The following FAM110B variants were observed in gnomAD, a reference collection of about 807,000 sequenced individuals.
FAM110B encodes family with sequence similarity 110 member B.
Under a neutral mutation model 20.4 loss-of-function variants are expected in FAM110B, and 6 were observed. That is an observed-to-expected ratio of 0.29 (90% CI 0.16 to 0.58). FAM110B has a LOEUF of 0.58. Ranked by LOEUF, FAM110B falls within the 20% of genes least tolerant of loss-of-function variation. The pLI, the probability that FAM110B is intolerant of heterozygous loss-of-function variation, is 0.90. For synonymous variants in FAM110B, 226 were observed against 214.1 expected, an observed-to-expected ratio of 1.06 and a Z score of -0.49; for missense variants, 434 against 498.2, an observed-to-expected ratio of 0.87 and a Z score of 1.23.
chr8:58,012,490 T>G (rs1804558237), intron 1 of FAM110B, among the ~76,000 whole-genome samples: 1 of 152,090 alleles, frequency 6.6e-6, no homozygotes, highest in Non-Finnish European at 1.5e-5. Flanking sequence ...AAAAAATATT[T>G]GTGTACTTTT....
intron 2 of FAM110B, among the ~76,000 whole-genome samples, chr8:58,056,027 GT>G (rs1216284085): frequency 9.9e-5 from 15 of 152,164 alleles, no homozygotes; most frequent in Admixed American, 9.8e-4. Flanking sequence ...ACTATTGCCT[GT>G]GTGCCAAATC....
At chr8:58,018,187 G>C (rs1804676652) in intron 1 of FAM110B, among the ~76,000 whole-genome samples, 1 of 152,074 alleles carries the variant, frequency 6.6e-6, no homozygotes, top group Non-Finnish European at 1.5e-5. Flanking sequence ...TGAGTGCAGA[G>C]TGCTAAAAAT....
At chr8:58,006,651 GGAGTGCAGTGGCACGA>G (rs1804409604) in intron 1 of FAM110B, among the ~76,000 whole-genome samples, 2 of 150,430 alleles carry the variant, frequency 1.3e-5, no homozygotes, top group Non-Finnish European at 3.0e-5. Context: ...CACCCAGGCT[GGAGTGCAGTGGCACGA>G]TCTCGGCTCA....
intron 1 of FAM110B, among the ~76,000 whole-genome samples, chr8:58,027,698 G>T (rs1391850679): frequency 6.6e-6 from 1 of 152,128 alleles, no homozygotes; most frequent in Non-Finnish European, 1.5e-5. Context: ...GATCATACGT[G>T]TAGTCTTTTG....
chr8:58,101,545 C>T lies in FAM110B; in HGVS notation c.-325+25922C>T, dbSNP rs555182900. Among the ~76,000 whole-genome samples the T allele has an allele frequency of 2.9e-3, 436 of 152,106 alleles. 4 individuals carry two copies. Among genetic ancestry groups the T allele is most frequent in the African/African-American group, 9.7e-3 (404 of 41,494 alleles). On this transcript the variant is annotated intron_variant, in intron 3 of 3. Coordinates refer to ENST00000519262, the MANE Select transcript of FAM110B (RefSeq NM_001377989.1). ...CATCAAATAGTAATTCCATTTTAACCCAAAAATAGCTTTTTGTTTTCTTTC... is the reference window on the plus strand; with the variant it reads ...CATCAAATAGTAATTCCATTTTAACTCAAAAATAGCTTTTTGTTTTCTTTC...
chr8:58,142,070 C>A (rs1228377098), intron 3 of FAM110B, among the ~76,000 whole-genome samples: 1 of 152,220 alleles, frequency 6.6e-6, no homozygotes, highest in African/African-American at 2.4e-5. Flanking sequence ...CTGTGAGGAG[C>A]TGGCAGATGG....
intron 3 of FAM110B, among the ~76,000 whole-genome samples, chr8:58,125,901 C>T (rs143855123): frequency 3.5e-5 from 5 of 142,922 alleles, no homozygotes; most frequent in East Asian, 2.0e-4. Flanking sequence ...ATGTGTCACC[C>T]GGTACCCTCC....
At chr8:58,039,489 A>AT (rs1386397285) in intron 2 of FAM110B, among the ~76,000 whole-genome samples, 1 of 152,216 alleles carries the variant, frequency 6.6e-6, no homozygotes, top group East Asian at 1.9e-4. Context: ...AGTCTTATAC[A>AT]TGTGAGATCC....
At chr8:58,106,528 A>G (rs1806923007) in intron 3 of FAM110B, among the ~76,000 whole-genome samples, 1 of 152,208 alleles carries the variant, frequency 6.6e-6, no homozygotes, top group Non-Finnish European at 1.5e-5. Flanking sequence ...GGATGTTGAC[A>G]CTGCTCGTGA....
chr8:58,136,547 G>T (rs1032987478), intron 3 of FAM110B, among the ~76,000 whole-genome samples: 2 of 152,116 alleles, frequency 1.3e-5, no homozygotes, highest in Non-Finnish European at 2.9e-5. Context: ...AATTCTAGTG[G>T]CCCTGCTTTT....
intron 1 of FAM110B, among the ~76,000 whole-genome samples, chr8:58,008,513 G>A (rs1429816912): frequency 6.6e-6 from 1 of 152,212 alleles, no homozygotes; most frequent in African/African-American, 2.4e-5. Flanking sequence ...TTGGACACAT[G>A]TATCTAATGT....
chr8:58,033,367 T>C (rs1309899199), intron 2 of FAM110B, among the ~76,000 whole-genome samples: 3 of 152,212 alleles, frequency 2.0e-5, no homozygotes, highest in Non-Finnish European at 4.4e-5. Flanking sequence ...AACATATAAA[T>C]TCATGTGTCT....
At chr8:58,090,436 C>T (rs1806447054) in intron 3 of FAM110B, among the ~76,000 whole-genome samples, 1 of 152,222 alleles carries the variant, frequency 6.6e-6, no homozygotes, top group African/African-American at 2.4e-5. Flanking sequence ...GCTGGGATTA[C>T]AGGCATGAGC....
intron 1 of FAM110B, among the ~76,000 whole-genome samples, chr8:58,006,913 A>T (rs1412323422): frequency 2.2e-4 from 21 of 94,570 alleles, no homozygotes; most frequent in Non-Finnish European, 3.9e-4. Flanking sequence ...ATATATATAT[A>T]TATATATATA....
chr8:57,997,248 C>T (rs144748563), intron 1 of FAM110B, among the ~76,000 whole-genome samples: 80 of 152,258 alleles, frequency 5.3e-4, no homozygotes, highest in Middle Eastern at 3.4e-3. Flanking sequence ...TTTGCTGCCC[C>T]CCAAAACATA....
At chr8:58,143,450 GGAAAT>G (rs1339453222) in intron 3 of FAM110B, among the ~76,000 whole-genome samples, 2 of 152,216 alleles carry the variant, frequency 1.3e-5, no homozygotes, top group Non-Finnish European at 2.9e-5. Flanking sequence ...GAAGCCAAAA[GGAAAT>G]GAAGTATGAA....
Position 58,147,323 on chromosome 8 carries a change from C to G in FAM110B, c.1093C>G (p.Gln365Glu). 6.2e-7 allele frequency: 1 copy of G among 1,613,704 alleles called. No homozygotes were observed. Among genetic ancestry groups the G allele is most frequent in the South Asian group, 1.1e-5 (1 of 91,012 alleles). The change falls in exon 4 of 4, where the codon CAG becomes GAG. Residue 365 changes from glutamine (Q) to glutamate (E), a missense_variant. Gln to Glu is a conservative substitution (Grantham distance 29). This residue lies in a region of FAM110B where 94 missense variants were observed against 137.8 expected (regional missense o/e 0.68). Coordinates refer to ENST00000519262, the MANE Select transcript of FAM110B (RefSeq NM_001377989.1). ...TAGCATCAAACAAGCTAGAGAGTCA[C>G]AGAAGGTCTCCCATGTGTAAGACAG... Reference protein sequence around the residue: ...LYSIKQARESQKVSHV With the variant: ...LYSIKQARESEKVSHV
intron 2 of FAM110B, among the ~76,000 whole-genome samples, chr8:58,073,439 T>G (rs1805953669): frequency 6.6e-6 from 1 of 152,226 alleles, no homozygotes; most frequent in African/African-American, 2.4e-5. Flanking sequence ...AGCATTAAGT[T>G]GAAGCTGGCA....
chr8:58,144,781 C>G (rs2150645376), intron 3 of FAM110B, among the ~76,000 whole-genome samples: 2 of 152,306 alleles, frequency 1.3e-5, no homozygotes, highest in East Asian at 3.9e-4. Flanking sequence ...TGTAAATGTT[C>G]TCTGCCTGCA....
Sources: gnomAD v4.1 joint callset for allele counts (sites outside exome capture counted in the v4.1 genomes callset) on GRCh38, gnomAD v4.1.1 for gene constraint, gnomAD v4.1.1 regional missense constraint, MANE v1.5 for transcripts, NCBI Gene and HGNC (gene_info 2026-07-23, HGNC 2026-07-21) for gene names.